Variants in DYNC2H1 observed in about 807,000 individuals in gnomAD.
The protein encoded by DYNC2H1 is cytoplasmic dynein 2 heavy chain 1.
Under a neutral mutation model 570.0 loss-of-function variants are expected in DYNC2H1, and 410 were observed. That is an observed-to-expected ratio of 0.72 (90% CI 0.66 to 0.78). DYNC2H1 has a LOEUF of 0.78. Ranked by LOEUF, DYNC2H1 falls within the 30% of genes least tolerant of loss-of-function variation. The pLI, the probability that DYNC2H1 is intolerant of heterozygous loss-of-function variation, is 0.00. For missense variants in DYNC2H1, 4,865 were observed against 5,046.4 expected, an observed-to-expected ratio of 0.96 and a Z score of 1.09; for synonymous variants, 1,688 against 1,677.6, an observed-to-expected ratio of 1.01 and a Z score of -0.15.
At chr11:103,320,168 G>C (rs921478835) in intron 80 of DYNC2H1, among the ~76,000 whole-genome samples, 1 of 152,106 alleles carries the variant, frequency 6.6e-6, no homozygotes, top group Non-Finnish European at 1.5e-5. Flanking sequence ...TGATGACAAG[G>C]ATATTTCTGT....
At chr11:103,331,574 C>T (rs1324582775) in intron 82 of DYNC2H1, among the ~76,000 whole-genome samples, 1 of 152,122 alleles carries the variant, frequency 6.6e-6, no homozygotes, top group African/African-American at 2.4e-5. Context: ...CATTTGTAAG[C>T]TTTAAAACTT....
intron 54 of DYNC2H1, among the ~76,000 whole-genome samples, chr11:103,213,617 G>T (rs1863247742): frequency 1.4e-5 from 1 of 73,168 alleles, no homozygotes; most frequent in South Asian, 5.5e-4. Context: ...TTGGCCATTT[G>T]TGTGTCTTTT....
At chr11:103,331,788 G>T (rs1018209172) in intron 82 of DYNC2H1, among the ~76,000 whole-genome samples, 4 of 152,134 alleles carry the variant, frequency 2.6e-5, no homozygotes, top group African/African-American at 9.7e-5. Context: ...GAGGCCAGGC[G>T]CAGTGGCTCA....
intron 83 of DYNC2H1, among the ~76,000 whole-genome samples, chr11:103,361,731 G>A (rs1015658521): frequency 2.0e-5 from 3 of 152,220 alleles, no homozygotes; most frequent in South Asian, 4.1e-4. Context: ...ATGTCAAAAT[G>A]TAGAGTTATT....
chr11:103,154,320 G>A (rs1860706267), intron 22 of DYNC2H1, 131 bp from the exon 23 acceptor site: 2 of 679,422 alleles, frequency 2.9e-6, no homozygotes, highest in Admixed American at 8.8e-5. Context: ...GTTTCTTATT[G>A]TATATCTATT....
chr11:103,296,221 T>C (rs917969728), intron 75 of DYNC2H1, among the ~76,000 whole-genome samples: 6 of 152,198 alleles, frequency 3.9e-5, no homozygotes, highest in Non-Finnish European at 7.3e-5. Context: ...GCATGGATAG[T>C]TGTTCAATTT....
intron 85 of DYNC2H1, among the ~76,000 whole-genome samples, chr11:103,449,854 C>T (rs190474304): frequency 5.3e-5 from 8 of 152,168 alleles, no homozygotes; most frequent in Admixed American, 1.3e-4. Flanking sequence ...AATTAGGTAG[C>T]ATTTTTACAA....
chr11:103,280,370 T>C lies in DYNC2H1; in HGVS notation c.10718T>C (p.Leu3573Ser). The change falls in exon 71 of 89, where the codon TTG (leucine) becomes TCG (serine). Residue 3573 changes from leucine to serine, a missense_variant. By Grantham distance (145) the Leu-to-Ser change is moderately radical. Around this residue, in one of 5 missense-constraint regions of DYNC2H1, gnomAD observed 2,401 missense variants for 2,454.6 expected, o/e 0.98. Transcript: ENST00000375735. This position sits in a 1 kb window ranked among gnomAD's most constrained non-coding sequence, Gnocchi z 4.7. Reference sequence around the variant, plus strand: ...CAGGCTGATCAGTTGATGTTCGCTTTGCATTTTGTTCGAGGCATGCATCCT... The same window carrying C: ...CAGGCTGATCAGTTGATGTTCGCTTCGCATTTTGTTCGAGGCATGCATCCT... ...LFKADQLMFALHFVRGMHPEL... is the reference protein window; with the variant it reads ...LFKADQLMFASHFVRGMHPEL... 6.4e-7 allele frequency: 1 copy of C among 1,555,894 alleles called. No individual in the cohort carries two copies. Among genetic ancestry groups the C allele is most frequent in the East Asian group, 2.4e-5 (1 of 41,854 alleles).
chr11:103,388,132 T>C (rs1941972532), intron 83 of DYNC2H1, among the ~76,000 whole-genome samples: 1 of 152,246 alleles, frequency 6.6e-6, no homozygotes, highest in African/African-American at 2.4e-5. Flanking sequence ...TTCCTACCCA[T>C]GAGCATGGAA....
In DYNC2H1 at chr11:103,268,374, G is replaced by C. The variant is rs966489471; in HGVS notation, c.10695+8397G>C. 3.3e-5 allele frequency among the ~76,000 whole-genome samples: 5 copies of C among 151,714 alleles called. No homozygotes were observed. In the South Asian group the frequency reaches 1.0e-3, roughly 32 times the overall value. ...CCTTGTCATATTCATCTGTTTTCTT[G>C]ATATTTTAAATAAGCTTTTGCTTTA... On this transcript the variant is annotated intron_variant, in intron 70 of 88. Coordinates refer to ENST00000375735, the MANE Select transcript of DYNC2H1 (RefSeq NM_001377.3). This position sits in a 1 kb window ranked among gnomAD's most constrained non-coding sequence, Gnocchi z 4.6.
rs1008923173 is a variant in DYNC2H1, at chr11:103,472,805, A to G, written c.12765+4100A>G. ...TTATATGATAATAATAAAATTCAGAACTTTGGTAACTAAACTTTTTTTTTA... is the reference window on the plus strand; with the variant it reads ...TTATATGATAATAATAAAATTCAGAGCTTTGGTAACTAAACTTTTTTTTTA... On this transcript the variant is annotated intron_variant, in intron 88 of 88. Coordinates refer to ENST00000375735, the MANE Select transcript of DYNC2H1 (RefSeq NM_001377.3). The surrounding 1 kb of genome is among the most constrained non-coding windows in gnomAD (Gnocchi z 4.1). 6.6e-6 allele frequency among the ~76,000 whole-genome samples: 1 copy of G among 152,154 alleles called. No homozygotes were observed. Among genetic ancestry groups the G allele is most frequent in the Non-Finnish European group, 1.5e-5 (1 of 68,018 alleles).
chr11:103,371,279 T>G (rs916126623), intron 83 of DYNC2H1, among the ~76,000 whole-genome samples: 1 of 151,822 alleles, frequency 6.6e-6, no homozygotes, highest in Admixed American at 6.6e-5. Context: ...AAAAAAGAAT[T>G]AAAAACAAGC....
chr11:103,320,358 C>T lies in DYNC2H1; in HGVS notation c.11726-671C>T, dbSNP rs10431052. ...TGGACAAAGCAGTGAGCTGAGATCG[C>T]GTCATTGCACTCCAGCCTGGGTGAC... On this transcript the variant is annotated intron_variant, in intron 80 of 88. Transcript: ENST00000375735. Among the ~76,000 whole-genome samples, 117 of 152,080 alleles carry T rather than the reference C, an allele frequency of 7.7e-4. 2 individuals are homozygous for T. The East Asian group carries it at 0.019, about 25-fold the overall frequency.
intron 39 of DYNC2H1, 73 bp downstream of exon 39, chr11:103,179,306 TAAGTG>T (rs1207599028): frequency 1.4e-6 from 2 of 1,388,460 alleles, no homozygotes; most frequent in Non-Finnish European, 2.0e-6. Context: ...TTAAGTAAAA[TAAGTG>T]TAGTGTGAAT....
chr11:103,121,950 C>CAA (rs373618455), intron 10 of DYNC2H1, among the ~76,000 whole-genome samples: 1 of 146,020 alleles, frequency 6.8e-6, no homozygotes, highest in Non-Finnish European at 1.5e-5. Context: ...GATGCTATCT[C>CAA]AAAAAAAAAA....
At chr11:103,166,990 C>CTTTTTTTTTTTTTTTTTTTTTTTTTTTTT (rs34816989) in intron 31 of DYNC2H1, among the ~76,000 whole-genome samples, 2 of 56,992 alleles carry the variant, frequency 3.5e-5, no homozygotes, top group South Asian at 1.0e-3. Context: ...GAGGCGCTGC[C>CTTTTTTTTTTTTTTTTTTTTTTTTTTTTT]TTTTTTTTTT....
intron 68 of DYNC2H1, 122 bp from the exon 69 acceptor site, chr11:103,257,486 A>T (rs1865102757): frequency 1.0e-6 from 1 of 965,588 alleles, no homozygotes; most frequent in Non-Finnish European, 1.4e-6. Context: ...TTTTATGTGC[A>T]TAGAAAAAGT....
At chr11:103,307,860 G>A (rs1416231105) in intron 78 of DYNC2H1, 29 bp downstream of exon 78, 3 of 1,372,456 alleles carry the variant, frequency 2.2e-6, no homozygotes, top group Non-Finnish European at 2.0e-6. Flanking sequence ...TGGATCACCA[G>A]TTGTATGAAA....
intron 83 of DYNC2H1, among the ~76,000 whole-genome samples, chr11:103,372,698 G>A (rs1354807214): frequency 1.3e-5 from 2 of 152,012 alleles, no homozygotes; most frequent in Non-Finnish European, 2.9e-5. Context: ...TTTCTTTGCT[G>A]TGTTTTTTCT....
Sources: gnomAD v4.1 joint callset for allele counts (sites outside exome capture counted in the v4.1 genomes callset) on GRCh38, gnomAD v4.1.1 for gene constraint, gnomAD v4.1.1 regional missense constraint, Gnocchi (gnomAD v3.1) non-coding constraint, MANE v1.5 for transcripts, NCBI Gene and HGNC (gene_info 2026-07-23, HGNC 2026-07-21) for gene names.